Variants in COMMD7 observed in about 807,000 individuals in gnomAD.
The protein encoded by COMMD7 is COMM domain containing 7.
Under a neutral mutation model 34.8 loss-of-function variants are expected in COMMD7, and 28 were observed. That is an observed-to-expected ratio of 0.80 (90% confidence interval 0.60 to 1.10). The LOEUF is 1.10. COMMD7 is among the 50% of genes least tolerant of loss of function. The pLI is 0.00. For synonymous variants in COMMD7, 80 were observed against 86.4 expected (o/e 0.93, Z 0.41); for missense variants, 211 against 241.6 (o/e 0.87, Z 0.84).
intron 6 of COMMD7, 106 bp downstream of exon 6, chr20:32,704,708 C>T: frequency 1.2e-6 from 1 of 862,362 alleles, no homozygotes; most frequent in South Asian, 1.6e-5. Context: ...GCTGCCCCAA[C>T]AGTGCTAGGG....
chr20:32,710,997 G>A (rs183413474), intron 3 of COMMD7, among the ~76,000 whole-genome samples: 46 of 152,262 alleles, frequency 3.0e-4, no homozygotes, highest in Middle Eastern at 6.8e-3. Context: ...TAGGAGGATC[G>A]CTTGAGCCCA....
intron 3 of COMMD7, among the ~76,000 whole-genome samples, chr20:32,715,940 T>C (rs1162295601): frequency 6.6e-6 from 1 of 152,228 alleles, no homozygotes; most frequent in Non-Finnish European, 1.5e-5. Context: ...AATCATAATA[T>C]TAGCAGCAGT....
chr20:32,718,481 C>T (rs1227188066), intron 3 of COMMD7, among the ~76,000 whole-genome samples: 4 of 151,794 alleles, frequency 2.6e-5, no homozygotes, highest in African/African-American at 9.7e-5. Flanking sequence ...GGTGGACTGC[C>T]TGAGCTCAGG....
chr20:32,739,562 G>A (rs1986316883), intron 1 of COMMD7, among the ~76,000 whole-genome samples: 2 of 141,358 alleles, frequency 1.4e-5, no homozygotes, highest in African/African-American at 2.7e-5. Context: ...GGAGAATGGC[G>A]TGAACCCGGG....
intron 3 of COMMD7, among the ~76,000 whole-genome samples, chr20:32,707,288 A>ATAT (rs1555822499): frequency 1.7e-4 from 14 of 82,210 alleles, no homozygotes; most frequent in Non-Finnish European, 4.4e-4. Context: ...CGTCTCAAAA[A>ATAT]AAAAAAATAT....
chr20:32,734,202 C>T (rs1390096254), intron 1 of COMMD7, among the ~76,000 whole-genome samples: 17 of 148,526 alleles, frequency 1.1e-4, no homozygotes, highest in African/African-American at 3.7e-4. Flanking sequence ...AAAAAAAGTG[C>T]CGTGCCTCAC....
intron 1 of COMMD7, among the ~76,000 whole-genome samples, chr20:32,740,801 G>A (rs1181412712): frequency 2.3e-5 from 3 of 132,834 alleles, no homozygotes; most frequent in Non-Finnish European, 4.7e-5. Flanking sequence ...GTGACAGAGC[G>A]AGACCCTGCC....
chr20:32,723,135 C>G (rs540012857), intron 3 of COMMD7, among the ~76,000 whole-genome samples: 579 of 40,006 alleles, frequency 0.014, 206 homozygotes, highest in Middle Eastern at 0.04. Flanking sequence ...CCTCCCTCTC[C>G]GTCTCCGTCT....
rs896571296 is a variant in COMMD7, at chr20:32,738,850, CCT to C, written c.84+4456_84+4457del. Reference sequence around the variant, plus strand: ...GACTCAAGTGATCCTCCCACCTAAGCCTCTGGAGTAGCTGGGACTACAGGTGT... The same window carrying C: ...GACTCAAGTGATCCTCCCACCTAAGCCTGGAGTAGCTGGGACTACAGGTGT... On this transcript the variant is annotated intron_variant, in intron 1 of 8. Coordinates refer to ENST00000278980, the MANE Select transcript of COMMD7 (RefSeq NM_053041.3). Among the ~76,000 whole-genome samples the C allele has an allele frequency of 5.5e-4, 83 of 151,976 alleles. 1 individual carries two copies. Among genetic ancestry groups the C allele is most frequent in the African/African-American group, 2.0e-3 (81 of 41,386 alleles).
At chr20:32,715,985 A>C (rs1272663610) in intron 3 of COMMD7, among the ~76,000 whole-genome samples, 2 of 152,110 alleles carry the variant, frequency 1.3e-5, no homozygotes, top group Admixed American at 1.3e-4. Flanking sequence ...ACCTTATTAC[A>C]TTTATTATCT....
intron 3 of COMMD7, among the ~76,000 whole-genome samples, chr20:32,709,399 CA>C (rs60023181): frequency 0.024 from 3,406 of 141,784 alleles, 93 homozygotes; most frequent in African/African-American, 0.07. Context: ...AACTCTGTCT[CA>C]AAAAAAAAAA....
chr20:32,725,431 GTTT>G (rs56381432), intron 3 of COMMD7, among the ~76,000 whole-genome samples: 1 of 129,948 alleles, frequency 7.7e-6, no homozygotes, highest in Admixed American at 8.3e-5. Flanking sequence ...ACTGTGTTTT[GTTT>G]TTTTTTTTTT....
chr20:32,717,780 G>T (rs923452026), intron 3 of COMMD7, among the ~76,000 whole-genome samples: 1 of 151,876 alleles, frequency 6.6e-6, no homozygotes, highest in African/African-American at 2.4e-5. Context: ...GTGTTTCAAA[G>T]AATTACATAC....
rs747238218 is a variant in COMMD7, at chr20:32,727,912, GCTT to G, written c.219_221del (p.Lys73_Ser74delinsAsn). The G allele has an allele frequency of 2.4e-5, 38 of 1,613,490 alleles. No individual in the cohort carries two copies. The highest frequency in any genetic ancestry group is 3.1e-5 in the Non-Finnish European group (37 of 1,179,562). On this transcript the variant is annotated inframe_deletion, in exon 3 of 9. Transcript: ENST00000278980. ...ACTCACCATTTGGAACCAGAAGGAG[GCTT>G]TTCACGATGCTTCTGAGGGAGCCAA...
rs545207120 is a variant in COMMD7 at position 32,705,983 on chromosome 20, G to C, written c.336+600C>G. 2.7e-3 allele frequency among the ~76,000 whole-genome samples: 403 copies of C among 152,060 alleles called. 1 individual carries two copies. Among genetic ancestry groups the C allele is most frequent in the Non-Finnish European group, 3.5e-3 (241 of 67,964 alleles). On this transcript the variant is annotated intron_variant, in intron 5 of 8. Transcript: ENST00000278980. ...AGAGGCTGAGGCAGGTGGATCACCT[G>C]AGGTCGGGAGTTCAAGACCAGCCTG...
intron 3 of COMMD7, among the ~76,000 whole-genome samples, chr20:32,722,275 A>G (rs866930623): frequency 9.8e-4 from 142 of 144,898 alleles, no homozygotes; most frequent in Middle Eastern, 3.6e-3. Context: ...AAAAGGATAC[A>G]GTGTGGTGGG....
chr20:32,743,226 AC>A (rs2145799287), intron 1 of COMMD7, 81 bp downstream of exon 1: 3 of 653,774 alleles, frequency 4.6e-6, no homozygotes, highest in South Asian at 1.9e-5. Context: ...ACTCCCGCGC[AC>A]CCCCGGACGT....
At chr20:32,733,944 C>T (rs183111598) in intron 1 of COMMD7, among the ~76,000 whole-genome samples, 243 of 150,950 alleles carry the variant, frequency 1.6e-3, no homozygotes, top group Non-Finnish European at 1.5e-3. Flanking sequence ...TTAGGGAGGC[C>T]GAGGCGCGCA....
At chr20:32,712,183 T>C (rs1248256023) in intron 3 of COMMD7, among the ~76,000 whole-genome samples, 1 of 149,108 alleles carries the variant, frequency 6.7e-6, no homozygotes, top group Non-Finnish European at 1.5e-5. Flanking sequence ...GACAGGAGAA[T>C]TGCTTGCACC....
Sources: gnomAD v4.1 joint callset for allele counts (sites outside exome capture counted in the v4.1 genomes callset) on GRCh38, gnomAD v4.1.1 for gene constraint, MANE v1.5 for transcripts, NCBI Gene and HGNC (gene_info 2026-07-23, HGNC 2026-07-21) for gene names.